PDCL2: variants seen among roughly 807,000 people sequenced by gnomAD.
The protein encoded by PDCL2 is phosducin like 2, also known as phosducin-like protein 2.
A neutral mutation model predicts 30.3 loss-of-function variants in PDCL2; 23 were observed. The ratio of observed to expected loss-of-function variants is 0.76; its 90% confidence interval spans 0.55 to 1.08. The LOEUF (loss-of-function observed/expected upper bound fraction) is 1.08. PDCL2 is among the 50% of genes least tolerant of loss of function. PDCL2 has a pLI of 0.00. For missense variants in PDCL2, 243 were observed against 282.3 expected (o/e 0.86, Z 1.00); for synonymous variants, 68 against 86.2 (o/e 0.79, Z 1.17).
intron 4 of PDCL2, among the ~76,000 whole-genome samples, chr4:55,565,287 CAT>C (rs1411937006): frequency 5.3e-5 from 8 of 152,110 alleles, no homozygotes; most frequent in African/African-American, 1.7e-4. Flanking sequence ...ACTTAGCACA[CAT>C]GAGGACTGTA....
intron 3 of PDCL2, among the ~76,000 whole-genome samples, chr4:55,575,588 G>C (rs939905740): frequency 6.6e-6 from 1 of 152,142 alleles, no homozygotes; most frequent in Non-Finnish European, 1.5e-5. Flanking sequence ...TATGATAAAA[G>C]TATGATAAAC....
intron 1 of PDCL2, among the ~76,000 whole-genome samples, chr4:55,589,072 G>A (rs976367636): frequency 6.6e-6 from 1 of 152,074 alleles, no homozygotes; most frequent in African/African-American, 2.4e-5. Context: ...TGTTAGCCAG[G>A]ATGGTCTCGA....
intron 3 of PDCL2, among the ~76,000 whole-genome samples, chr4:55,575,300 A>T (rs1272393352): frequency 1.3e-5 from 2 of 152,188 alleles, no homozygotes; most frequent in Non-Finnish European, 2.9e-5. Context: ...GGAGAGTTCC[A>T]AAAGCAGATT....
At chr4:55,566,859 A>G (rs1419149459) in intron 4 of PDCL2, among the ~76,000 whole-genome samples, 1 of 152,240 alleles carries the variant, frequency 6.6e-6, no homozygotes, top group African/African-American at 2.4e-5. Context: ...CTATCAAAGC[A>G]TACAACAATT....
At chr4:55,590,459 C>CA (rs60866606) in intron 1 of PDCL2, among the ~76,000 whole-genome samples, 29,201 of 95,662 alleles carry the variant, frequency 0.31, 5,038 homozygotes, top group East Asian at 0.52. Flanking sequence ...ATCCTGTCTC[C>CA]AAAAAAAAAA....
intron 2 of PDCL2, among the ~76,000 whole-genome samples, chr4:55,581,268 C>G (rs1019681135): frequency 2.6e-5 from 4 of 152,006 alleles, no homozygotes; most frequent in African/African-American, 9.7e-5. Flanking sequence ...GCATTCCACC[C>G]TGGCCAACAA....
At chr4:55,586,711 CAT>C (rs1470753722) in intron 1 of PDCL2, among the ~76,000 whole-genome samples, 3 of 152,174 alleles carry the variant, frequency 2.0e-5, no homozygotes, top group African/African-American at 7.2e-5. Flanking sequence ...ATTACTGAAT[CAT>C]ATGATATCTG....
chr4:55,571,686 C>CAAAAAAAAA (rs761336707), intron 3 of PDCL2, among the ~76,000 whole-genome samples: 5 of 36,890 alleles, frequency 1.4e-4, no homozygotes, highest in Non-Finnish European at 2.3e-4. Flanking sequence ...GACTCCATCT[C>CAAAAAAAAA]AAAAAAAAAA....
chr4:55,585,379 T>G (rs1007322274), intron 1 of PDCL2, among the ~76,000 whole-genome samples: 8 of 151,954 alleles, frequency 5.3e-5, no homozygotes, highest in Non-Finnish European at 8.8e-5. Context: ...AATACAAAAA[T>G]TAGCTGGGCA....
chr4:55,569,874 T>C lies in PDCL2; in HGVS notation c.219-13A>G. The C allele has an allele frequency of 6.8e-7, 1 of 1,461,464 alleles. No homozygotes were observed. 90.5% of individuals were successfully genotyped at this position (1,461,464 alleles called of 1,614,324 possible). A position where few individuals can be genotyped will look rare whatever the true frequency, so the allele number is the denominator to read the frequency against. ...TAACCGCTTCTTTCTAATTAAAACA[T>C]GAAATTAAATTACATAAGAATACTG... On this transcript the variant is annotated splice_polypyrimidine_tract_variant and intron_variant, in intron 3 of 5. Transcript: ENST00000295645.
rs553799481 is a variant in PDCL2, at chr4:55,571,589, A to T, written c.219-1728T>A. On this transcript the variant is annotated intron_variant, in intron 3 of 5. Transcript: ENST00000295645. ...GTGGTCCCAGCTACTCGGGAGGCTG[A>T]GGCAGGAGAATCACTTGAACCCGGG... Among the ~76,000 whole-genome samples the T allele has an allele frequency of 3.0e-4, 18 of 60,300 alleles. 5 individuals are homozygous for T. The South Asian group carries it at 7.4e-3, about 25-fold the overall frequency. 39.6% of individuals were successfully genotyped at this position (60,300 alleles called of 152,430 possible). A position where few individuals can be genotyped will look rare whatever the true frequency, so the allele number is the denominator to read the frequency against.
At position 55,592,162 on chromosome 4, in the gene PDCL2, G is replaced by A; in HGVS notation, c.-53C>T. The A allele has an allele frequency of 7.5e-6, 12 of 1,598,524 alleles. No individual in the cohort carries two copies. The highest frequency in any genetic ancestry group is 8.5e-6 in the Non-Finnish European group (10 of 1,173,280). Reference sequence around the variant, plus strand: ...CGCGTCGTCCTGCAGCTGGCGAGGCGCCACGGATGGAGACCCGCAGCCTTC... The same window carrying A: ...CGCGTCGTCCTGCAGCTGGCGAGGCACCACGGATGGAGACCCGCAGCCTTC... On this transcript the variant is annotated 5_prime_UTR_variant, in exon 1 of 6. Transcript: ENST00000295645.
At position 55,571,700 on chromosome 4, in the gene PDCL2, A is replaced by T. The variant is rs945930631; in HGVS notation, c.219-1839T>A. ...AGACTCCATCTCAAAAAAAAAAAAA[A>T]TTTTTGACCTTATTTCCCATGCTAG... On this transcript the variant is annotated intron_variant, in intron 3 of 5. Coordinates refer to ENST00000295645, the MANE Select transcript of PDCL2 (RefSeq NM_152401.3). 1.0e-4 allele frequency among the ~76,000 whole-genome samples: 14 copies of T among 138,636 alleles called. 2 individuals are homozygous for T. The highest frequency in any genetic ancestry group is 7.0e-4 in the South Asian group (3 of 4,314). 91.0% of individuals were successfully genotyped at this position (138,636 alleles called of 152,430 possible). A position where few individuals can be genotyped will look rare whatever the true frequency, so the allele number is the denominator to read the frequency against.
chr4:55,591,013 T>G (rs1393151994), intron 1 of PDCL2, among the ~76,000 whole-genome samples: 1 of 152,182 alleles, frequency 6.6e-6, no homozygotes, highest in East Asian at 1.9e-4. Flanking sequence ...CACTGTCAAT[T>G]ACATTTCAAT....
chr4:55,564,956 T>G (rs1211211362), intron 4 of PDCL2, among the ~76,000 whole-genome samples: 2 of 152,136 alleles, frequency 1.3e-5, no homozygotes, highest in East Asian at 3.9e-4. Flanking sequence ...CCAAGCTAAC[T>G]CTGGGAGAAT....
chr4:55,590,762 T>C (rs777134015), intron 1 of PDCL2, among the ~76,000 whole-genome samples: 1 of 152,118 alleles, frequency 6.6e-6, no homozygotes, highest in Non-Finnish European at 1.5e-5. Context: ...CCCAAAGTGC[T>C]GGGGTTACAG....
chr4:55,574,376 T>C (rs1732507526), intron 3 of PDCL2, among the ~76,000 whole-genome samples: 1 of 152,212 alleles, frequency 6.6e-6, no homozygotes, highest in South Asian at 2.1e-4. Flanking sequence ...GTCATGAGAC[T>C]AGATTACAAC....
chr4:55,573,195 C>T (rs533671946), intron 3 of PDCL2, among the ~76,000 whole-genome samples: 6 of 152,134 alleles, frequency 3.9e-5, no homozygotes, highest in African/African-American at 1.4e-4. Context: ...TACTGGAATA[C>T]ACCAAGAGAA....
At chr4:55,572,624 G>A (rs1732457088) in intron 3 of PDCL2, among the ~76,000 whole-genome samples, 1 of 152,176 alleles carries the variant, frequency 6.6e-6, no homozygotes, top group Admixed American at 6.5e-5. Flanking sequence ...ATATACCAGT[G>A]TAACAAGCCT....
Sources: allele counts gnomAD v4.1 joint callset (sites outside exome capture counted in the v4.1 genomes callset), GRCh38; gene constraint gnomAD v4.1.1; transcripts MANE v1.5; gene names NCBI Gene and HGNC (gene_info 2026-07-23, HGNC 2026-07-21).